The following SLC4A5 variants were observed in gnomAD, a reference collection of about 807,000 sequenced individuals.
SLC4A5 encodes solute carrier family 4 member 5, also known as electrogenic sodium bicarbonate cotransporter 4.
Under a neutral mutation model 120.4 loss-of-function variants are expected in SLC4A5, and 96 were observed. The ratio of observed to expected loss-of-function variants is 0.80; its 90% CI spans 0.68 to 0.94. The LOEUF (loss-of-function observed/expected upper bound fraction) is 0.94. SLC4A5 is among the 40% of genes least tolerant of loss of function. The pLI is 0.00. For missense variants in SLC4A5, 1,259 were observed against 1,459.5 expected (o/e 0.86, Z 2.24); for synonymous variants, 550 against 571.1 (o/e 0.96, Z 0.53).
intron 7 of SLC4A5, among the ~76,000 whole-genome samples, chr2:74,289,699 T>C (rs1451286792): frequency 6.6e-6 from 1 of 152,188 alleles, no homozygotes; most frequent in African/African-American, 2.4e-5. Flanking sequence ...AAAGAAATTT[T>C]ATAGACAAAA....
At chr2:74,314,673 T>G (rs1197336678) in intron 6 of SLC4A5, among the ~76,000 whole-genome samples, 1 of 152,228 alleles carries the variant, frequency 6.6e-6, no homozygotes, top group Non-Finnish European at 1.5e-5. Flanking sequence ...GGTTTGCAGA[T>G]CTTGTAAAAT....
rs1260859154 is a variant in SLC4A5 at position 74,314,842 on chromosome 2, G to A, written c.79+103C>T. The A allele has an allele frequency of 9.4e-6, 10 of 1,060,846 alleles. No homozygotes were observed. The East Asian group carries it at 2.4e-4, about 26-fold the overall frequency. 65.7% of individuals were successfully genotyped at this position (1,060,846 alleles called of 1,614,324 possible). On this transcript the variant is annotated intron_variant, in intron 6 of 30. Transcript: ENST00000394019. ...ACACTGTGGATGAGTCAGGAAAAGG[G>A]ACCTGCTCCCTAGACTCTCCTGCTG...
intron 3 of SLC4A5, among the ~76,000 whole-genome samples, chr2:74,338,418 A>G (rs1238917864): frequency 6.6e-6 from 1 of 152,260 alleles, no homozygotes; most frequent in Non-Finnish European, 1.5e-5. Context: ...AAATTTTTCA[A>G]CAGTGAGAGA....
At chr2:74,239,447 G>A (rs1396002858) in exon 21 of SLC4A5, 4 of 1,613,720 alleles carry the variant, frequency 2.5e-6, no homozygotes, top group Non-Finnish European at 3.4e-6. Flanking sequence ...AAACTTGCAG[G>A]AATTCCCAAG....
At chr2:74,286,180 G>A (rs977754581) in intron 7 of SLC4A5, among the ~76,000 whole-genome samples, 1 of 152,130 alleles carries the variant, frequency 6.6e-6, no homozygotes, top group Non-Finnish European at 1.5e-5. Context: ...TCGAAGCCAG[G>A]GCAGTAGCAA....
At chr2:74,238,030 A>C (rs756871906) in intron 21 of SLC4A5, among the ~76,000 whole-genome samples, 70 of 152,252 alleles carry the variant, frequency 4.6e-4, no homozygotes, top group Non-Finnish European at 8.8e-4. Context: ...TGAACCCGGG[A>C]GGCGGAGGTT....
chr2:74,282,573 C>A (rs1333892594), intron 8 of SLC4A5, among the ~76,000 whole-genome samples: 1 of 152,234 alleles, frequency 6.6e-6, no homozygotes, highest in East Asian at 1.9e-4. Context: ...GAGAAGCCCC[C>A]TTCTAGAAAC....
At chr2:74,268,565 C>T (rs887216722) in intron 8 of SLC4A5, among the ~76,000 whole-genome samples, 2 of 152,204 alleles carry the variant, frequency 1.3e-5, no homozygotes, top group Non-Finnish European at 2.9e-5. Context: ...TTAATTAAGG[C>T]TGGTTGGAAC....
chr2:74,267,358 G>A (rs192656052), intron 8 of SLC4A5, among the ~76,000 whole-genome samples: 2 of 152,276 alleles, frequency 1.3e-5, no homozygotes, highest in African/African-American at 2.4e-5. Flanking sequence ...AAGGACGCTC[G>A]ATGAAGCTTT....
chr2:74,275,888 A>T (rs189040806), intron 8 of SLC4A5, among the ~76,000 whole-genome samples: 2 of 152,288 alleles, frequency 1.3e-5, no homozygotes, highest in East Asian at 3.9e-4. Flanking sequence ...TGCAGCTCAT[A>T]AGAGACAGGG....
chr2:74,342,092 G>A (rs1010072269), intron 2 of SLC4A5, among the ~76,000 whole-genome samples: 6 of 152,210 alleles, frequency 3.9e-5, no homozygotes, highest in African/African-American at 1.4e-4. Flanking sequence ...TAGATCTGAA[G>A]TAGCTCAAGA....
At chr2:74,234,587 A>C (rs535888627) in intron 22 of SLC4A5, among the ~76,000 whole-genome samples, 9 of 152,312 alleles carry the variant, frequency 5.9e-5, no homozygotes, top group Non-Finnish European at 8.8e-5. Context: ...AGCATACTCC[A>C]AGTCACCTGA....
intron 4 of SLC4A5, among the ~76,000 whole-genome samples, chr2:74,330,861 GAGGTATAGGAGGTGGTGAGGTCTAGATGT>G (rs1673344151): frequency 1.3e-5 from 1 of 76,514 alleles, no homozygotes; most frequent in Non-Finnish European, 2.9e-5. Flanking sequence ...TGTAGGTGGT[GAGGTATAGGAGGTGGTGAGGTCTAGATGT>G]GGGTGGTGAG....
At chr2:74,336,860 T>G (rs1673502780) in intron 3 of SLC4A5, among the ~76,000 whole-genome samples, 1 of 152,206 alleles carries the variant, frequency 6.6e-6, no homozygotes, top group Non-Finnish European at 1.5e-5. Context: ...CTCCCTTCCC[T>G]GCCTCAAATA....
intron 8 of SLC4A5, among the ~76,000 whole-genome samples, chr2:74,280,979 G>C (rs1369549231): frequency 6.6e-6 from 1 of 152,194 alleles, no homozygotes; most frequent in African/African-American, 2.4e-5. Context: ...GAGCCACTGT[G>C]CCTGGACTAT....
intron 5 of SLC4A5, among the ~76,000 whole-genome samples, chr2:74,320,054 A>G (rs1673058350): frequency 6.6e-6 from 1 of 152,228 alleles, no homozygotes; most frequent in Non-Finnish European, 1.5e-5. Context: ...AAAATTTTCA[A>G]TAAAAGACTT....
At position 74,254,816 on chromosome 2, in the gene SLC4A5, CA is replaced by C; in HGVS notation, c.1026-111del. ...GAATTCTCTGGCCCTGAACAGTATGCATTTTTTTTTTTTTTTTGAGACAGGG... is the reference window on the plus strand; with the variant it reads ...GAATTCTCTGGCCCTGAACAGTATGCTTTTTTTTTTTTTTTTGAGACAGGG... On this transcript the variant is annotated intron_variant, in intron 13 of 30. Transcript: ENST00000394019. 20 of 733,102 alleles carry C rather than the reference CA, an allele frequency of 2.7e-5. No homozygotes were observed. The South Asian group carries it at 3.1e-4, about 11-fold the overall frequency. The allele number at this position is 733,102 out of a possible 1,614,324, so 45.4% of individuals were successfully genotyped here.
chr2:74,217,943 A>G (rs1694494501), exon 31 of SLC4A5: 2 of 152,414 alleles, frequency 1.3e-5, no homozygotes, highest in Non-Finnish European at 2.9e-5. Context: ...AGCTGGGACT[A>G]CAGGTGCATG....
intron 5 of SLC4A5, among the ~76,000 whole-genome samples, chr2:74,315,679 A>C (rs1407496176): frequency 6.6e-6 from 1 of 151,492 alleles, no homozygotes; most frequent in Admixed American, 6.6e-5. Context: ...TGTAGTGCTA[A>C]GCTACTTGGG....
Sources: gnomAD v4.1 joint callset for allele counts (sites outside exome capture counted in the v4.1 genomes callset) on GRCh38, gnomAD v4.1.1 for gene constraint, MANE v1.5 for transcripts, NCBI Gene and HGNC (gene_info 2026-07-23, HGNC 2026-07-21) for gene names.